The following RANBP17 variants were observed in gnomAD, a reference collection of about 807,000 sequenced individuals.
RANBP17 encodes the protein ran-binding protein 17.
RANBP17 carries 158 observed loss-of-function variants against 141.2 expected under a neutral mutation model. The observed-to-expected ratio is 1.12, with a 90% CI of 0.98 to 1.28. The LOEUF (loss-of-function observed/expected upper bound fraction) is 1.28. RANBP17 is among the 50% of genes most tolerant of loss of function. RANBP17 has a pLI of 0.00. For synonymous variants in RANBP17, 430 were observed against 450.0 expected, an observed-to-expected ratio of 0.96 and a Z score of 0.56; for missense variants, 1,438 against 1,290.7, an observed-to-expected ratio of 1.11 and a Z score of -1.75.
At chr5:170,896,246 G>T (rs1480647229) in intron 5 of RANBP17, 131 bp downstream of exon 5, 12 of 623,798 alleles carry the variant, frequency 1.9e-5, no homozygotes, top group Middle Eastern at 2.6e-4. Flanking sequence ...CAAGTTTTTT[G>T]TGTGTGTATC....
chr5:171,068,569 T>TTTG (rs35125398), intron 14 of RANBP17, among the ~76,000 whole-genome samples: 81,860 of 148,922 alleles, frequency 0.55, 23,094 homozygotes, highest in South Asian at 0.72. Context: ...TTACTTTCCT[T>TTTG]TTGTTGTTGT....
intron 1 of RANBP17, among the ~76,000 whole-genome samples, chr5:170,876,057 C>T (rs554277243): frequency 6.6e-6 from 1 of 152,272 alleles, no homozygotes; most frequent in African/African-American, 2.4e-5. Context: ...TAGTCTGGGT[C>T]ACTCCTGCAC....
chr5:171,024,501 C>G (rs980738020), intron 14 of RANBP17, among the ~76,000 whole-genome samples: 3 of 152,066 alleles, frequency 2.0e-5, no homozygotes, highest in African/African-American at 7.2e-5. Flanking sequence ...AAAAAAATTG[C>G]CAATCCTTAA....
At chr5:171,215,620 A>G (rs1386915693) in intron 21 of RANBP17, among the ~76,000 whole-genome samples, 2 of 152,080 alleles carry the variant, frequency 1.3e-5, no homozygotes, top group Non-Finnish European at 2.9e-5. Flanking sequence ...ATGGTATCTC[A>G]TTGTGGTTTT....
chr5:171,063,301 T>G (rs1784043650), intron 14 of RANBP17, among the ~76,000 whole-genome samples: 2 of 152,200 alleles, frequency 1.3e-5, no homozygotes, highest in African/African-American at 2.4e-5. Context: ...TTATCTACTT[T>G]TGGTCTTTGA....
intron 14 of RANBP17, among the ~76,000 whole-genome samples, chr5:171,092,531 CTA>C (rs1762006968): frequency 6.6e-6 from 1 of 152,214 alleles, no homozygotes; most frequent in South Asian, 2.1e-4. Context: ...CGGTATAAGA[CTA>C]TGCCTCCAGT....
At chr5:171,207,622 T>G (rs1204046185) in intron 20 of RANBP17, 2 of 152,112 alleles carry the variant, frequency 1.3e-5, no homozygotes, top group Non-Finnish European at 2.9e-5. Context: ...CCAGAAGCTG[T>G]GTTAGATTGC....
chr5:170,936,918 A>T (rs974954041), intron 12 of RANBP17, among the ~76,000 whole-genome samples: 1 of 152,146 alleles, frequency 6.6e-6, no homozygotes, highest in Non-Finnish European at 1.5e-5. Flanking sequence ...TTACTCTTGA[A>T]ATCTATCTTA....
intron 14 of RANBP17, among the ~76,000 whole-genome samples, chr5:170,983,816 C>A (rs942206271): frequency 6.6e-6 from 1 of 152,012 alleles, no homozygotes; most frequent in East Asian, 1.9e-4. Context: ...GTGTATTTAA[C>A]CCAGATTTTG....
At chr5:171,128,914 A>G (rs1169874911) in intron 14 of RANBP17, among the ~76,000 whole-genome samples, 3 of 152,232 alleles carry the variant, frequency 2.0e-5, no homozygotes, top group Non-Finnish European at 4.4e-5. Context: ...TTGCCTATTT[A>G]TTCTTTCAAT....
chr5:170,934,381 A>C (rs1773674932), intron 12 of RANBP17, among the ~76,000 whole-genome samples: 1 of 152,024 alleles, frequency 6.6e-6, no homozygotes, highest in African/African-American at 2.4e-5. Flanking sequence ...TTATGATGTT[A>C]GCTGGTTATT....
intron 7 of RANBP17, among the ~76,000 whole-genome samples, chr5:170,912,493 GA>G (rs935064254): frequency 1.3e-5 from 2 of 151,994 alleles, no homozygotes; most frequent in African/African-American, 4.8e-5. Flanking sequence ...GGTGAAAGTA[GA>G]AATAAACTTC....
intron 1 of RANBP17, among the ~76,000 whole-genome samples, chr5:170,872,097 A>G (rs1424854197): frequency 6.6e-6 from 1 of 152,098 alleles, no homozygotes; most frequent in Admixed American, 6.5e-5. Context: ...TGAATCTATA[A>G]ATTACTTTGG....
chr5:171,211,274 T>C (rs1222704407), intron 20 of RANBP17, among the ~76,000 whole-genome samples: 1 of 152,108 alleles, frequency 6.6e-6, no homozygotes, highest in African/African-American at 2.4e-5. Context: ...TAGTACTTTT[T>C]TTTTTGAGAC....
chr5:170,881,142 C>CA (rs916538388), intron 2 of RANBP17, among the ~76,000 whole-genome samples: 2 of 151,838 alleles, frequency 1.3e-5, no homozygotes, highest in South Asian at 2.1e-4. Flanking sequence ...TTTAAAATTG[C>CA]AAAAAACATT....
At chr5:171,104,162 C>T (rs936890768) in intron 14 of RANBP17, among the ~76,000 whole-genome samples, 5 of 152,148 alleles carry the variant, frequency 3.3e-5, no homozygotes, top group Non-Finnish European at 5.9e-5. Flanking sequence ...CTCAGCCTTT[C>T]GAGTAGCTGG....
At chr5:171,053,372 G>C (rs1406000198) in intron 14 of RANBP17, among the ~76,000 whole-genome samples, 4 of 151,870 alleles carry the variant, frequency 2.6e-5, no homozygotes, top group Admixed American at 2.6e-4. Context: ...CCTTCTAATA[G>C]TCCCCAGTGT....
intron 14 of RANBP17, among the ~76,000 whole-genome samples, chr5:171,092,469 C>T (rs1229581702): frequency 6.6e-6 from 1 of 152,162 alleles, no homozygotes; most frequent in East Asian, 1.9e-4. Flanking sequence ...GCATAATATA[C>T]TAAGACAAAG....
chr5:171,033,533 G>T (rs1781682251), intron 14 of RANBP17, among the ~76,000 whole-genome samples: 1 of 152,062 alleles, frequency 6.6e-6, no homozygotes, highest in South Asian at 2.1e-4. Context: ...AGAGGTTATT[G>T]TTGCTTTGGC....
Sources: allele counts gnomAD v4.1 joint callset (sites outside exome capture counted in the v4.1 genomes callset), GRCh38; gene constraint gnomAD v4.1.1; transcripts MANE v1.5; gene names NCBI Gene and HGNC (gene_info 2026-07-23, HGNC 2026-07-21).